ZFPM2: variants seen among roughly 807,000 people sequenced by gnomAD.
ZFPM2 encodes the protein zinc finger protein, FOG family member 2.
Under a neutral mutation model 98.6 loss-of-function variants are expected in ZFPM2, and 20 were observed. That is an observed-to-expected ratio of 0.20 (90% CI 0.14 to 0.29). ZFPM2 has a LOEUF of 0.29. ZFPM2 is among the 10% of genes least tolerant of loss of function. The probability of loss-of-function intolerance (pLI) is 1.00; values close to 1 mark genes in which losing one functional copy is unlikely to be tolerated. For missense variants in ZFPM2, 1,310 were observed against 1,388.6 expected (o/e 0.94, Z 0.90); for synonymous variants, 518 against 502.7 (o/e 1.03, Z -0.41).
chr8:105,335,318 T>C (rs1375343932), intron 1 of ZFPM2, among the ~76,000 whole-genome samples: 4 of 151,794 alleles, frequency 2.6e-5, no homozygotes, highest in Non-Finnish European at 5.9e-5. Context: ...TTTTATTTAA[T>C]TCATTCTCAT....
intron 3 of ZFPM2, among the ~76,000 whole-genome samples, chr8:105,471,909 C>A (rs1317846465): frequency 6.6e-6 from 1 of 152,136 alleles, no homozygotes; most frequent in African/African-American, 2.4e-5. Context: ...CAGGGTTTGA[C>A]CTTCTCACAG....
At chr8:105,591,452 A>G (rs796921005) in intron 4 of ZFPM2, among the ~76,000 whole-genome samples, 17 of 152,316 alleles carry the variant, frequency 1.1e-4, no homozygotes, top group African/African-American at 4.1e-4. Context: ...TATAGACAGT[A>G]CTGTAAATAC....
chr8:105,691,540 G>A (rs1245267444), intron 5 of ZFPM2, among the ~76,000 whole-genome samples: 8 of 122,200 alleles, frequency 6.5e-5, no homozygotes, highest in African/African-American at 2.3e-4. Context: ...GAGCCACCGC[G>A]CCCAGCCCCA....
chr8:105,444,912 C>G (rs1445799669), intron 3 of ZFPM2, among the ~76,000 whole-genome samples: 2 of 151,840 alleles, frequency 1.3e-5, no homozygotes, highest in African/African-American at 4.8e-5. Context: ...TAAAGAAAAA[C>G]AAAAACTGAT....
intron 5 of ZFPM2, among the ~76,000 whole-genome samples, chr8:105,703,107 A>C (rs1811176845): frequency 6.6e-6 from 1 of 152,092 alleles, no homozygotes. Flanking sequence ...AAGGTTCTAG[A>C]CCAAGGATTA....
intron 5 of ZFPM2, among the ~76,000 whole-genome samples, chr8:105,783,040 CAG>C: frequency 6.6e-6 from 1 of 152,186 alleles, no homozygotes; most frequent in African/African-American, 2.4e-5. Flanking sequence ...CAGATCTACA[CAG>C]GTCTCCCGAG....
At chr8:105,661,682 G>A (rs1241072075) in intron 5 of ZFPM2, among the ~76,000 whole-genome samples, 1 of 151,810 alleles carries the variant, frequency 6.6e-6, no homozygotes, top group Non-Finnish European at 1.5e-5. Context: ...GGGGCTCTGT[G>A]ATTTTTTTTT....
chr8:105,798,388 T>C (rs2131168402), intron 6 of ZFPM2: 1 of 167,832 alleles, frequency 6.0e-6, no homozygotes, highest in East Asian at 1.6e-4. Flanking sequence ...AGGTAGAGGT[T>C]GCAGTGAGTT....
chr8:105,733,236 A>G (rs911029578), intron 5 of ZFPM2, among the ~76,000 whole-genome samples: 139 of 152,018 alleles, frequency 9.1e-4, no homozygotes, highest in Non-Finnish European at 1.6e-3. Context: ...TTTCACACAT[A>G]GGAATCATGC....
intron 1 of ZFPM2, among the ~76,000 whole-genome samples, chr8:105,326,806 G>C (rs541223316): frequency 6.6e-6 from 1 of 150,854 alleles, no homozygotes; most frequent in East Asian, 1.9e-4. Flanking sequence ...GAGGTGACTT[G>C]GCTGTTGCTA....
At chr8:105,620,942 G>A (rs1023003230) in intron 4 of ZFPM2, among the ~76,000 whole-genome samples, 2 of 152,146 alleles carry the variant, frequency 1.3e-5, no homozygotes, top group East Asian at 1.9e-4. Context: ...TAGCCTCGTA[G>A]TATAGTTTGA....
At chr8:105,430,854 C>T (rs1812005056) in intron 2 of ZFPM2, among the ~76,000 whole-genome samples, 1 of 151,544 alleles carries the variant, frequency 6.6e-6, no homozygotes, top group South Asian at 2.1e-4. Context: ...CAGTAGGTTC[C>T]CAGAAGTGGC....
chr8:105,547,571 A>C (rs71506373), intron 3 of ZFPM2, among the ~76,000 whole-genome samples: 20,064 of 147,276 alleles, frequency 0.14, 1,629 homozygotes, highest in Non-Finnish European at 0.18. Flanking sequence ...AAAAAAAAAG[A>C]AATCAGAGTG....
At chr8:105,448,671 T>C (rs1812425724) in intron 3 of ZFPM2, among the ~76,000 whole-genome samples, 2 of 152,052 alleles carry the variant, frequency 1.3e-5, no homozygotes, top group African/African-American at 4.8e-5. Context: ...GATTCTGGCA[T>C]GTTAAGTTCA....
chr8:105,645,108 G>T (rs1331554858), intron 5 of ZFPM2, among the ~76,000 whole-genome samples: 8 of 152,076 alleles, frequency 5.3e-5, no homozygotes, highest in Non-Finnish European at 1.0e-4. Flanking sequence ...CATAATAGCT[G>T]CTCAATGAAT....
intron 1 of ZFPM2, among the ~76,000 whole-genome samples, chr8:105,375,229 C>T (rs1810700281): frequency 6.6e-6 from 1 of 152,086 alleles, no homozygotes; most frequent in African/African-American, 2.4e-5. Context: ...GGATGTACCA[C>T]ACTTGAGAAA....
At chr8:105,664,367 G>A (rs1169310016) in intron 5 of ZFPM2, among the ~76,000 whole-genome samples, 25 of 150,790 alleles carry the variant, frequency 1.7e-4, no homozygotes, top group Admixed American at 1.7e-3. Context: ...GTGTGACAGA[G>A]TTTCGTTCTT....
chr8:105,708,668 TCCTGGGCTCAAGCGGTCCACCCG>T (rs1811315874), intron 5 of ZFPM2, among the ~76,000 whole-genome samples: 1 of 152,174 alleles, frequency 6.6e-6, no homozygotes, highest in South Asian at 2.1e-4. Context: ...GGTTTTTAAC[TCCTGGGCTCAAGCGGTCCACCCG>T]CCTCGGCCTT....
intron 5 of ZFPM2, among the ~76,000 whole-genome samples, chr8:105,647,028 C>A (rs1355006279): frequency 6.6e-6 from 1 of 152,112 alleles, no homozygotes; most frequent in East Asian, 1.9e-4. Flanking sequence ...GAATGCCTGT[C>A]CAAGTTTTAG....
Sources: gnomAD v4.1 joint callset for allele counts (sites outside exome capture counted in the v4.1 genomes callset) on GRCh38, gnomAD v4.1.1 for gene constraint, MANE v1.5 for transcripts, NCBI Gene and HGNC (gene_info 2026-07-23, HGNC 2026-07-21) for gene names.